Variants in BBS9 observed in about 807,000 individuals in gnomAD.
BBS9 encodes Bardet-Biedl syndrome 9.
BBS9 carries 89 observed loss-of-function variants against 117.7 expected under a neutral mutation model. The observed-to-expected ratio is 0.76, with a 90% CI of 0.64 to 0.90. The LOEUF is 0.90. BBS9 is among the 40% of genes least tolerant of loss of function. The pLI is 0.00. For missense variants in BBS9, 982 were observed against 1,042.2 expected, an observed-to-expected ratio of 0.94 and a Z score of 0.80; for synonymous variants, 379 against 370.9, an observed-to-expected ratio of 1.02 and a Z score of -0.25.
At chr7:33,631,623 C>T (rs1454491206) in intron 21 of BBS9, among the ~76,000 whole-genome samples, 1 of 152,226 alleles carries the variant, frequency 6.6e-6, no homozygotes, top group Non-Finnish European at 1.5e-5. Context: ...CAGAGGCCCT[C>T]CCAGTGGTGG....
rs143296517 is a variant in BBS9, at chr7:33,487,452, G to C, written c.2116-18011G>C. Among the ~76,000 whole-genome samples the C allele has an allele frequency of 3.1e-3, 477 of 152,148 alleles. 1 individual carries two copies. Among genetic ancestry groups the C allele is most frequent in the African/African-American group, 0.011 (465 of 41,508 alleles). On this transcript the variant is annotated intron_variant, in intron 19 of 22. Transcript: ENST00000242067. ...ATTCATCACATAGATCACTTAAATT[G>C]GCCCCTAAAAAACTAAATCTGTGAG... is the stretch of plus-strand genomic sequence containing the variant.
chr7:33,161,009 AGCT>A (rs1245476541), intron 4 of BBS9, among the ~76,000 whole-genome samples: 1 of 152,224 alleles, frequency 6.6e-6, no homozygotes. Flanking sequence ...ATGGCTCATC[AGCT>A]AGCAGAAATG....
At chr7:33,510,917 C>T (rs1202483185) in intron 20 of BBS9, among the ~76,000 whole-genome samples, 3 of 152,178 alleles carry the variant, frequency 2.0e-5, no homozygotes, top group Non-Finnish European at 2.9e-5. Flanking sequence ...TTAAGTTATA[C>T]CATGGTGTTT....
At chr7:33,231,983 C>T (rs1375960917) in intron 5 of BBS9, among the ~76,000 whole-genome samples, 4 of 152,080 alleles carry the variant, frequency 2.6e-5, no homozygotes, top group African/African-American at 9.7e-5. Flanking sequence ...GACAAAATCA[C>T]CCCTACTGCT....
At chr7:33,564,358 A>G (rs1388508193) in intron 21 of BBS9, among the ~76,000 whole-genome samples, 3 of 152,210 alleles carry the variant, frequency 2.0e-5, no homozygotes, top group Non-Finnish European at 4.4e-5. Flanking sequence ...TTTCAGGGGC[A>G]TTATATATGG....
intron 21 of BBS9, among the ~76,000 whole-genome samples, chr7:33,628,798 A>G (rs1324720347): frequency 6.6e-6 from 1 of 152,246 alleles, no homozygotes; most frequent in Non-Finnish European, 1.5e-5. Flanking sequence ...AAATTCTTAT[A>G]GAATAACTGA....
At chr7:33,615,481 T>C (rs1865083749) in intron 21 of BBS9, among the ~76,000 whole-genome samples, 2 of 151,914 alleles carry the variant, frequency 1.3e-5, no homozygotes, top group Admixed American at 1.3e-4. Context: ...AGACTGGACA[T>C]GGCTGAGGAA....
Position 33,177,592 on chromosome 7 carries a change from G to C in BBS9, c.442+1G>C, listed in dbSNP as rs587777811. 9 of 1,595,712 alleles carry C rather than the reference G, an allele frequency of 5.6e-6. No individual in the cohort carries two copies. Among genetic ancestry groups the C allele is most frequent in the Non-Finnish European group, 7.7e-6 (9 of 1,163,716 alleles). On this transcript the variant is annotated splice_donor_variant, in intron 5 of 22. Coordinates refer to ENST00000242067, the MANE Select transcript of BBS9 (RefSeq NM_198428.3). LOFTEE classifies it high-confidence loss of function. Reference sequence around the variant, plus strand: ...TATGGATCATTTGGTGGTGTAAAAGGTAATTTGCTTTTAATCATGAGTATG... The same window carrying C: ...TATGGATCATTTGGTGGTGTAAAAGCTAATTTGCTTTTAATCATGAGTATG...
In BBS9 at chr7:33,349,215, T is replaced by C. The variant is rs751061460; in HGVS notation, c.1432+45T>C. The C allele has an allele frequency of 2.9e-6, 4 of 1,395,784 alleles. No homozygotes were observed. The African/African-American group carries it at 5.7e-5, about 20-fold the overall frequency. The allele number at this position is 1,395,784 out of a possible 1,614,324, so 86.5% of individuals were successfully genotyped here. ...TGAAAGTCTACCATGGTGTGAATTT[T>C]TTAAAAATACTAGTTTGTTCATTTA... On this transcript the variant is annotated intron_variant, in intron 13 of 22. Transcript: ENST00000242067.
chr7:33,170,511 A>C (rs1214359360), intron 4 of BBS9, among the ~76,000 whole-genome samples: 1 of 146,484 alleles, frequency 6.8e-6, no homozygotes, highest in Non-Finnish European at 1.5e-5. Flanking sequence ...GAATGGGCAA[A>C]AACTGGAAGC....
intron 19 of BBS9, among the ~76,000 whole-genome samples, chr7:33,473,891 C>T (rs1460347237): frequency 6.6e-6 from 1 of 152,146 alleles, no homozygotes; most frequent in Non-Finnish European, 1.5e-5. Flanking sequence ...TTTTTTGTCT[C>T]TAGAACCTAG....
intron 5 of BBS9, among the ~76,000 whole-genome samples, chr7:33,255,787 A>G (rs1176946955): frequency 6.6e-6 from 1 of 152,196 alleles, no homozygotes; most frequent in Non-Finnish European, 1.5e-5. Context: ...CAGCATGCAT[A>G]TACATACAAC....
intron 21 of BBS9, among the ~76,000 whole-genome samples, chr7:33,633,780 G>A (rs902219701): frequency 6.6e-6 from 1 of 152,052 alleles, no homozygotes; most frequent in Non-Finnish European, 1.5e-5. Context: ...TGGGTTATGT[G>A]GTTTTGAGGT....
At chr7:33,360,674 C>T (rs908533387) in intron 16 of BBS9, among the ~76,000 whole-genome samples, 1 of 151,796 alleles carries the variant, frequency 6.6e-6, no homozygotes, top group Non-Finnish European at 1.5e-5. Flanking sequence ...GCATATACCA[C>T]CATGCCTAGC....
At chr7:33,305,387 C>T (rs1489359749) in intron 9 of BBS9, among the ~76,000 whole-genome samples, 1 of 151,680 alleles carries the variant, frequency 6.6e-6, no homozygotes, top group Non-Finnish European at 1.5e-5. Context: ...TTTTGATGTA[C>T]CTTTGTTGGT....
At chr7:33,585,698 CT>C (rs1481828698) in intron 21 of BBS9, among the ~76,000 whole-genome samples, 1 of 151,964 alleles carries the variant, frequency 6.6e-6, no homozygotes, top group African/African-American at 2.4e-5. Flanking sequence ...TTAACATATT[CT>C]TATATAAAAA....
intron 19 of BBS9, among the ~76,000 whole-genome samples, chr7:33,428,330 T>C (rs990684088): frequency 2.0e-5 from 3 of 152,184 alleles, no homozygotes; most frequent in African/African-American, 7.2e-5. Flanking sequence ...CAAATAGTTT[T>C]AAATATTTTA....
intron 9 of BBS9, among the ~76,000 whole-genome samples, chr7:33,290,176 A>G (rs1199828469): frequency 6.6e-6 from 1 of 152,158 alleles, no homozygotes; most frequent in Non-Finnish European, 1.5e-5. Context: ...GCCTTTTATA[A>G]AACTTTACTA....
chr7:33,142,027 C>T (rs529968451), intron 1 of BBS9, among the ~76,000 whole-genome samples: 2 of 152,170 alleles, frequency 1.3e-5, no homozygotes, highest in African/African-American at 4.8e-5. Context: ...GCTCTGCCTC[C>T]CGGGTTCATG....
Sources: gnomAD v4.1 joint callset for allele counts (sites outside exome capture counted in the v4.1 genomes callset) on GRCh38, gnomAD v4.1.1 for gene constraint, MANE v1.5 for transcripts, NCBI Gene and HGNC (gene_info 2026-07-23, HGNC 2026-07-21) for gene names.